The following PREP variants were observed in gnomAD, a reference collection of about 807,000 sequenced individuals.
PREP encodes the protein dJ355L5.1 (prolyl endopeptidase).
In PREP, 29 loss-of-function variants were observed where a neutral mutation model predicts 87.6. That is an observed-to-expected ratio of 0.33 (90% CI 0.25 to 0.45). The LOEUF is 0.45. PREP is among the 20% of genes least tolerant of loss of function. The pLI is 1.00. For missense variants in PREP, 695 were observed against 886.5 expected (o/e 0.78, Z 2.74); for synonymous variants, 337 against 328.6 (o/e 1.03, Z -0.28).
At chr6:105,293,346 C>G (rs1258164084) in intron 10 of PREP, among the ~76,000 whole-genome samples, 1 of 152,120 alleles carries the variant, frequency 6.6e-6, no homozygotes, top group Non-Finnish European at 1.5e-5. Flanking sequence ...GTGGAGCAAT[C>G]AGAACACATA....
At chr6:105,372,183 C>T (rs993340589) in intron 5 of PREP, among the ~76,000 whole-genome samples, 1 of 151,762 alleles carries the variant, frequency 6.6e-6, no homozygotes, top group African/African-American at 2.4e-5. Flanking sequence ...AACACTGTAG[C>T]CTTATTCTCA....
At chr6:105,280,167 G>A (rs73769964) in intron 14 of PREP, among the ~76,000 whole-genome samples, 3,478 of 152,146 alleles carry the variant, frequency 0.023, 128 homozygotes, top group African/African-American at 0.07. Flanking sequence ...GCGGTGGTGC[G>A]CACCTGTCGT....
intron 7 of PREP, among the ~76,000 whole-genome samples, chr6:105,343,058 T>C (rs1348580924): frequency 1.1e-4 from 16 of 152,122 alleles, no homozygotes; most frequent in Non-Finnish European, 1.6e-4. Flanking sequence ...AAAAAGAGCC[T>C]GCATTGCCAA....
intron 10 of PREP, 141 bp from the exon 11 acceptor site, chr6:105,289,035 G>T: frequency 1.2e-6 from 1 of 807,032 alleles, no homozygotes; most frequent in Non-Finnish European, 1.9e-6. Context: ...GGGCTATTTG[G>T]TGAAGCACCT....
At chr6:105,285,672 A>G in intron 11 of PREP, 92 bp from the exon 12 acceptor site, 2 of 959,872 alleles carry the variant, frequency 2.1e-6, no homozygotes, top group Non-Finnish European at 3.3e-6. Flanking sequence ...ATGCCCAACA[A>G]CACTCTGAGT....
intron 10 of PREP, among the ~76,000 whole-genome samples, chr6:105,305,844 CTT>C (rs35115122): frequency 6.2e-5 from 9 of 145,732 alleles, no homozygotes; most frequent in African/African-American, 2.4e-4. Flanking sequence ...ATATCCTTTT[CTT>C]TTTTTTTTGG....
Position 105,333,345 on chromosome 6 carries a change from T to C in PREP, c.984A>G (p.Val328=), listed in dbSNP as rs781766717. The part of the protein sequence containing the change: ...FRDPEESKWK[V]LVPEHEKDVL... ...CATCTTTCTCATGCTCAGGAACAAG[T>C]ACTTTCCACTTAGACTCTTCAGGAT... Residue 328 remains valine, a synonymous_variant, in exon 8 of 15, where the codon GTA becomes GTG. Coordinates refer to ENST00000652536, the MANE Select transcript of PREP (RefSeq NM_002726.5). 5.6e-6 allele frequency: 9 copies of C among 1,614,046 alleles called. No homozygotes were observed. Among genetic ancestry groups the C allele is most frequent in the Non-Finnish European group, 7.6e-6 (9 of 1,180,008 alleles).
intron 9 of PREP, among the ~76,000 whole-genome samples, chr6:105,324,445 A>AT (rs1478934317): frequency 1.3e-5 from 2 of 152,240 alleles, no homozygotes; most frequent in East Asian, 3.8e-4. Flanking sequence ...CATTTCCCAA[A>AT]TTTAATGCTA....
intron 6 of PREP, among the ~76,000 whole-genome samples, chr6:105,361,253 A>C (rs1326841083): frequency 6.6e-6 from 1 of 152,182 alleles, no homozygotes; most frequent in Non-Finnish European, 1.5e-5. Context: ...GTATGAAGTA[A>C]TTTGTCCTTA....
At chr6:105,365,983 G>A (rs1772372050) in intron 6 of PREP, among the ~76,000 whole-genome samples, 1 of 151,870 alleles carries the variant, frequency 6.6e-6, no homozygotes, top group Non-Finnish European at 1.5e-5. Context: ...GGCTGGGCAT[G>A]GTGGCTCACG....
chr6:105,327,266 C>T (rs570923649), intron 9 of PREP, among the ~76,000 whole-genome samples: 25 of 152,222 alleles, frequency 1.6e-4, no homozygotes, highest in South Asian at 8.3e-4. Flanking sequence ...CCTCATCTGT[C>T]CACTGGCTGC....
chr6:105,379,620 T>C (rs1772783140), intron 2 of PREP, among the ~76,000 whole-genome samples: 1 of 152,196 alleles, frequency 6.6e-6, no homozygotes, highest in South Asian at 2.1e-4. Flanking sequence ...ATGAAGCAGA[T>C]CCACCCAGGA....
chr6:105,379,758 C>T (rs1358947806), intron 2 of PREP, among the ~76,000 whole-genome samples: 1 of 152,170 alleles, frequency 6.6e-6, no homozygotes, highest in African/African-American at 2.4e-5. Context: ...TGTGTTTACA[C>T]TGATCGTGGC....
Position 105,276,806 on chromosome 6 carries a change from T to A in PREP, c.*1338A>T, listed in dbSNP as rs1769942362. The stretch of plus-strand genomic sequence containing the variant: ...GATAGAAAATGGTATGTCTAATTTT[T>A]GACCATAACTTGAAACGTAGAGAAT... On this transcript the variant is annotated 3_prime_UTR_variant, in exon 15 of 15. Transcript: ENST00000652536. 6.6e-6 allele frequency among the ~76,000 whole-genome samples: 1 copy of A among 152,226 alleles called. No homozygotes were observed. Among genetic ancestry groups the A allele is most frequent in the Non-Finnish European group, 1.5e-5 (1 of 68,040 alleles).
chr6:105,400,133 C>T (rs1250658860), intron 1 of PREP, among the ~76,000 whole-genome samples: 4 of 152,164 alleles, frequency 2.6e-5, no homozygotes, highest in Admixed American at 2.6e-4. Flanking sequence ...TAAGACCATA[C>T]CCTACAAATG....
chr6:105,311,810 G>A, intron 10 of PREP, among the ~76,000 whole-genome samples: 1 of 151,632 alleles, frequency 6.6e-6, no homozygotes, highest in East Asian at 1.9e-4. Context: ...TTCTGATGAA[G>A]GCAAGGAAAG....
chr6:105,355,570 C>G (rs1772076700), intron 6 of PREP, among the ~76,000 whole-genome samples: 1 of 152,186 alleles, frequency 6.6e-6, no homozygotes, highest in Non-Finnish European at 1.5e-5. Context: ...TATTCTGTAA[C>G]AGGCTTTGAT....
rs1212352603 is a variant in PREP, at chr6:105,275,450, G to A, written c.*2694C>T. 1.3e-5 allele frequency among the ~76,000 whole-genome samples: 2 copies of A among 152,116 alleles called. No homozygotes were observed. The highest frequency in any genetic ancestry group is 2.9e-5 in the Non-Finnish European group (2 of 68,020). On this transcript the variant is annotated 3_prime_UTR_variant, in exon 15 of 15. Transcript: ENST00000652536. ...ATCTTGCTAAGGTAACAAATGCTCTGGTGTGCTTAGCAGGGCCTTGTGACA... is the reference window on the plus strand; with the variant it reads ...ATCTTGCTAAGGTAACAAATGCTCTAGTGTGCTTAGCAGGGCCTTGTGACA...
At chr6:105,402,583 C>G (rs888308535) in intron 1 of PREP, among the ~76,000 whole-genome samples, 1 of 152,200 alleles carries the variant, frequency 6.6e-6, no homozygotes, top group Non-Finnish European at 1.5e-5. Context: ...GGCGTCTGCC[C>G]TTGACCCCAT....
Sources: allele counts gnomAD v4.1 joint callset (sites outside exome capture counted in the v4.1 genomes callset), GRCh38; gene constraint gnomAD v4.1.1; transcripts MANE v1.5; gene names NCBI Gene and HGNC (gene_info 2026-07-23, HGNC 2026-07-21).